Variants in CERS6 observed in about 807,000 individuals in gnomAD.
CERS6 encodes the protein ceramide synthase 6, also known as LAG1 homolog, ceramide synthase 6.
In CERS6, 26 loss-of-function variants were observed where a neutral mutation model predicts 56.8. The ratio of observed to expected loss-of-function variants is 0.46; its 90% CI spans 0.34 to 0.63. The LOEUF (loss-of-function observed/expected upper bound fraction) is 0.63, where lower values mean the gene tolerates loss of function less well. Among genes scored for constraint, CERS6 ranks in the 30% least tolerant of loss-of-function variants. The pLI is 0.01. For missense variants in CERS6, 415 were observed against 467.5 expected, an observed-to-expected ratio of 0.89 and a Z score of 1.04; for synonymous variants, 164 against 173.3, an observed-to-expected ratio of 0.95 and a Z score of 0.42.
intron 1 of CERS6, among the ~76,000 whole-genome samples, chr2:168,459,218 T>G (rs2105314939): frequency 6.6e-6 from 1 of 152,380 alleles, no homozygotes; most frequent in Non-Finnish European, 1.5e-5. Context: ...GTCTTTATTT[T>G]ACATTAAGTG....
chr2:168,663,473 C>T (rs1685683325), intron 4 of CERS6, among the ~76,000 whole-genome samples: 2 of 152,062 alleles, frequency 1.3e-5, no homozygotes, highest in South Asian at 4.1e-4. Flanking sequence ...GTCTTGAACT[C>T]CTGGCCTCAA....
Position 168,456,607 on chromosome 2 carries a change from C to A in CERS6, c.159C>A (p.Leu53=). Residue 53 remains leucine (L), a synonymous_variant, in exon 1 of 10, where the codon CTC becomes CTA. Coordinates refer to ENST00000305747, the MANE Select transcript of CERS6 (RefSeq NM_203463.3). This position sits in a 1 kb window ranked among gnomAD's most constrained non-coding sequence, Gnocchi z 4.1. ...PLAFCIFMVR[L]IFERFVAKPC... is the part of the protein sequence containing the mutation. ...CCTTCTGTATCTTCATGGTGCGGCT[C>A]ATCTTCGAGAGGTAAGAAGGGCTGA... is the stretch of plus-strand genomic sequence containing the variant. 2 of 1,613,598 alleles carry A rather than the reference C, an allele frequency of 1.2e-6. No homozygotes were observed. Among genetic ancestry groups the A allele is most frequent in the Non-Finnish European group, 1.7e-6 (2 of 1,179,672 alleles).
At chr2:168,589,086 A>C (rs1031683379) in intron 3 of CERS6, among the ~76,000 whole-genome samples, 2 of 152,218 alleles carry the variant, frequency 1.3e-5, no homozygotes, top group African/African-American at 4.8e-5. Context: ...GCTGCATCAT[A>C]TGGAAATTCT....
intron 5 of CERS6, among the ~76,000 whole-genome samples, chr2:168,692,121 A>G (rs1686520711): frequency 6.6e-6 from 1 of 152,192 alleles, no homozygotes; most frequent in South Asian, 2.1e-4. Context: ...GTTTTTTCAC[A>G]TTAGAAAACA....
intron 4 of CERS6, among the ~76,000 whole-genome samples, chr2:168,641,824 A>C (rs1053606648): frequency 1.3e-5 from 2 of 151,876 alleles, no homozygotes; most frequent in Non-Finnish European, 2.9e-5. Flanking sequence ...GCAGGGCCTC[A>C]TACCCCGCAT....
At chr2:168,563,720 C>T (rs1695834389) in intron 3 of CERS6, among the ~76,000 whole-genome samples, 1 of 152,146 alleles carries the variant, frequency 6.6e-6, no homozygotes, top group Admixed American at 6.5e-5. Flanking sequence ...TGGCATGAAC[C>T]CGGGAGGTGG....
At chr2:168,721,485 C>G (rs1332652604) in intron 8 of CERS6, among the ~76,000 whole-genome samples, 1 of 150,534 alleles carries the variant, frequency 6.6e-6, no homozygotes, top group Admixed American at 6.6e-5. Context: ...AATGGAATTG[C>G]TGGATTACAT....
intron 8 of CERS6, among the ~76,000 whole-genome samples, chr2:168,733,295 C>A (rs1241007799): frequency 5.3e-5 from 8 of 152,162 alleles, no homozygotes; most frequent in Non-Finnish European, 1.0e-4. Flanking sequence ...TTAAAACTCT[C>A]ATGTTATCAT....
chr2:168,458,195 A>T (rs922405152), intron 1 of CERS6, among the ~76,000 whole-genome samples: 1 of 152,212 alleles, frequency 6.6e-6, no homozygotes, highest in Non-Finnish European at 1.5e-5. Flanking sequence ...GGATCTACAC[A>T]CAATTGCTGA....
chr2:168,675,963 G>T (rs1367543136), intron 4 of CERS6, among the ~76,000 whole-genome samples: 1 of 152,110 alleles, frequency 6.6e-6, no homozygotes, highest in Admixed American at 6.5e-5. Context: ...GAGATTACAG[G>T]CGTGAGTCAC....
chr2:168,586,519 G>C (rs1683545756), intron 3 of CERS6, among the ~76,000 whole-genome samples: 1 of 152,052 alleles, frequency 6.6e-6, no homozygotes. Flanking sequence ...GTTTCAGAAG[G>C]CTGTCCGATC....
intron 6 of CERS6, 33 bp downstream of exon 6, chr2:168,695,084 G>A (rs1300267596): frequency 8.4e-6 from 13 of 1,555,242 alleles, no homozygotes; most frequent in Non-Finnish European, 1.2e-5. Context: ...GTGCTTGCAA[G>A]CATGCATCTT....
chr2:168,702,916 G>A (rs752758179), intron 6 of CERS6, among the ~76,000 whole-genome samples: 8 of 152,082 alleles, frequency 5.3e-5, no homozygotes, highest in Non-Finnish European at 8.8e-5. Context: ...ACAACATCTG[G>A]CAACAGATTA....
At chr2:168,574,481 G>A (rs917340260) in intron 3 of CERS6, among the ~76,000 whole-genome samples, 1 of 151,512 alleles carries the variant, frequency 6.6e-6, no homozygotes, top group African/African-American at 2.4e-5. Flanking sequence ...CTCTTCCCTT[G>A]ATACATAAAT....
intron 2 of CERS6, among the ~76,000 whole-genome samples, chr2:168,559,638 G>A (rs1366361781): frequency 1.3e-5 from 2 of 149,818 alleles, no homozygotes; most frequent in African/African-American, 4.9e-5. Context: ...CCATCACAAT[G>A]GGCATGTGGG....
At chr2:168,681,649 A>G (rs1294115094) in intron 4 of CERS6, among the ~76,000 whole-genome samples, 1 of 152,170 alleles carries the variant, frequency 6.6e-6, no homozygotes, top group Non-Finnish European at 1.5e-5. Flanking sequence ...GGAGCATTCA[A>G]AACCCACTCT....
intron 4 of CERS6, among the ~76,000 whole-genome samples, chr2:168,638,533 T>G (rs1684914647): frequency 6.6e-6 from 1 of 152,204 alleles, no homozygotes; most frequent in African/African-American, 2.4e-5. Flanking sequence ...AGGGATTTTT[T>G]TTGAAGCTAA....
intron 3 of CERS6, among the ~76,000 whole-genome samples, chr2:168,628,618 G>A (rs1445263723): frequency 1.3e-5 from 2 of 152,144 alleles, no homozygotes; most frequent in Admixed American, 6.5e-5. Flanking sequence ...GATATGGGGT[G>A]GGAGATTCTG....
At chr2:168,763,671 G>T (rs568342342) in intron 8 of CERS6, among the ~76,000 whole-genome samples, 2 of 152,144 alleles carry the variant, frequency 1.3e-5, no homozygotes, top group Admixed American at 1.3e-4. Flanking sequence ...TATATGAGTG[G>T]TCTGTGTCTT....
Sources: allele counts gnomAD v4.1 joint callset (sites outside exome capture counted in the v4.1 genomes callset), GRCh38; gene constraint gnomAD v4.1.1; non-coding constraint Gnocchi (gnomAD v3.1); transcripts MANE v1.5; gene names NCBI Gene and HGNC (gene_info 2026-07-23, HGNC 2026-07-21).